GAREM2: variants seen among roughly 807,000 people sequenced by gnomAD.
GAREM2 encodes the protein GRB2-associated and regulator of MAPK protein 2.
In GAREM2, 30 loss-of-function variants were observed where a neutral mutation model predicts 55.6. That is an observed-to-expected ratio of 0.54 (90% CI 0.40 to 0.73). The LOEUF (loss-of-function observed/expected upper bound fraction) is 0.73. GAREM2 is among the 30% of genes least tolerant of loss of function. The pLI is 0.00. For missense variants in GAREM2, 1,075 were observed against 1,257.7 expected, an observed-to-expected ratio of 0.85 and a Z score of 2.20; for synonymous variants, 550 against 569.1, an observed-to-expected ratio of 0.97 and a Z score of 0.48.
intron 4 of GAREM2, 77 bp downstream of exon 4, chr2:26,185,353 A>G: frequency 1.4e-6 from 2 of 1,405,436 alleles, no homozygotes; most frequent in Non-Finnish European, 1.8e-6. Context: ...CCGGCCCCGG[A>G]GTATGTGGCA....
chr2:26,173,662 C>T (rs1202225066), intron 1 of GAREM2, among the ~76,000 whole-genome samples: 1 of 151,996 alleles, frequency 6.6e-6, no homozygotes, highest in Non-Finnish European at 1.5e-5. Flanking sequence ...CCTGGGCCCC[C>T]CGCCCCGGCC....
At chr2:26,176,525 G>T in intron 2 of GAREM2, 41 bp downstream of exon 2, 1 of 1,464,368 alleles carries the variant, frequency 6.8e-7, no homozygotes. Context: ...CCTGTAGGGG[G>T]GTGTAGGCAG....
the GAREM2 span, among the ~76,000 whole-genome samples, chr2:26,203,507 T>A: frequency 6.6e-6 from 1 of 152,146 alleles, no homozygotes; most frequent in African/African-American, 2.4e-5. Context: ...ATGGAGATAG[T>A]CTGTAAAGCC....
chr2:26,198,369 G>GTT, the GAREM2 span, among the ~76,000 whole-genome samples: 2,233 of 146,896 alleles, frequency 0.015, 44 homozygotes, highest in African/African-American at 0.049. Context: ...ACTTATTCAT[G>GTT]TTTTTTTTTT....
At position 26,188,001 on chromosome 2, in the gene GAREM2, C is replaced by G; in HGVS notation, c.2369C>G (p.Thr790Arg). 1 of 1,476,952 alleles carries G rather than the reference C, an allele frequency of 6.8e-7. No individual in the cohort carries two copies. The highest frequency in any genetic ancestry group is 9.0e-7 in the Non-Finnish European group (1 of 1,107,606). The allele number at this position is 1,476,952 out of a possible 1,614,324, so 91.5% of individuals were successfully genotyped here. The change falls in exon 6 of 6, where the codon ACA becomes AGA. Residue 790 changes from threonine to arginine, a missense_variant. This residue lies in a region of GAREM2 where 142 missense variants were observed against 172.3 expected (regional missense o/e 0.82). Transcript: ENST00000401533. ...GPPASPRDGA[T>R]GFGVRDASSW... ...CCTGCCAGTCCCCGGGATGGAGCCA[C>G]AGGCTTTGGAGTCCGAGATGCCTCC...
chr2:26,173,174 G>A lies in GAREM2; in HGVS notation c.-47G>A. On this transcript the variant is annotated 5_prime_UTR_variant, in exon 1 of 6. Coordinates refer to ENST00000401533, the MANE Select transcript of GAREM2 (RefSeq NM_001168241.2). ...GGGCGCGAGAGCCTGGGCCGCGCGG[G>A]ACTGACCGTCGGGGCCCCGGGACGG... is the stretch of plus-strand genomic sequence containing the variant. 6.6e-6 allele frequency: 5 copies of A among 760,822 alleles called. No individual in the cohort carries two copies. Among genetic ancestry groups the A allele is most frequent in the Non-Finnish European group, 5.2e-6 (3 of 574,686 alleles). The allele number at this position is 760,822 out of a possible 1,614,324, so 47.1% of individuals were successfully genotyped here.
chr2:26,181,178 G>A, intron 2 of GAREM2: 1 of 969,376 alleles, frequency 1.0e-6, no homozygotes, highest in Non-Finnish European at 1.2e-6. Flanking sequence ...GTCTCATGTT[G>A]TACAGAATAA....
chr2:26,197,925 C>T, the GAREM2 span: 19 of 706,020 alleles, frequency 2.7e-5, no homozygotes, highest in Non-Finnish European at 5.0e-5. Context: ...CAGACATTGA[C>T]GGATCACCTA....
chr2:26,178,500 G>GA (rs1408278000), intron 2 of GAREM2, among the ~76,000 whole-genome samples: 1 of 152,038 alleles, frequency 6.6e-6, no homozygotes, highest in Non-Finnish European at 1.5e-5. Flanking sequence ...AGGTGGGGGG[G>GA]ATCCCTTTAG....
At chr2:26,191,540 G>T (rs1458271689), downstream of GAREM2, 1 of 1,614,156 alleles carries the variant, frequency 6.2e-7, no homozygotes, top group East Asian at 2.2e-5. Flanking sequence ...CCCTCTGCAG[G>T]TGTGGCCAAG....
intron 2 of GAREM2, among the ~76,000 whole-genome samples, chr2:26,178,040 TC>T (rs1389979037): frequency 6.6e-6 from 1 of 152,188 alleles, no homozygotes; most frequent in Non-Finnish European, 1.5e-5. Context: ...GCCCTGGGTC[TC>T]CCTGAGCCAG....
In GAREM2 at chr2:26,188,299, G is replaced by A. The variant is rs1301350365; in HGVS notation, c.*42G>A. The A allele has an allele frequency of 7.1e-7, 1 of 1,410,628 alleles. No individual in the cohort carries two copies. The allele number at this position is 1,410,628 out of a possible 1,614,324, so 87.4% of individuals were successfully genotyped here. ...TGCACAGCTGGAATGCTGGTATGGG[G>A]GCCCCAGGTACAGCACTCCGGAGGA... On this transcript the variant is annotated 3_prime_UTR_variant, in exon 6 of 6. Transcript: ENST00000401533.
chr2:26,202,459 G>A, the GAREM2 span, among the ~76,000 whole-genome samples: 1 of 152,160 alleles, frequency 6.6e-6, no homozygotes, highest in East Asian at 1.9e-4. Context: ...AGGTCTTAAG[G>A]GCTGGGCATG....
chr2:26,194,979 T>C, the GAREM2 span: 1 of 962,632 alleles, frequency 1.0e-6, no homozygotes, highest in Non-Finnish European at 1.7e-6. Context: ...CAGGGGAAAA[T>C]CATATCAAAG....
At chr2:26,194,645 AG>A (rs1558315187), downstream of GAREM2, 1 of 1,600,516 alleles carries the variant, frequency 6.2e-7, no homozygotes, top group Non-Finnish European at 8.6e-7. Context: ...CATCCTGCCA[AG>A]GAAGAGAACA....
At chr2:26,181,956 G>A in intron 2 of GAREM2, 1 of 977,732 alleles carries the variant, frequency 1.0e-6, no homozygotes, top group Non-Finnish European at 1.2e-6. Context: ...TCCAGCCTGG[G>A]CGACAGCAAG....
chr2:26,173,364 TC>T, intron 1 of GAREM2, 32 bp downstream of exon 1: 1 of 1,238,058 alleles, frequency 8.1e-7, no homozygotes, highest in Non-Finnish European at 1.1e-6. Flanking sequence ...GGGACCGGGG[TC>T]CGCGGGGAAA....
chr2:26,204,292 G>T, the GAREM2 span: 2 of 1,020,106 alleles, frequency 2.0e-6, no homozygotes, highest in South Asian at 2.5e-5. Flanking sequence ...ACCAACTAAT[G>T]CAGGCACAAC....
chr2:26,178,808 G>A (rs974996536), intron 2 of GAREM2, among the ~76,000 whole-genome samples: 1 of 148,376 alleles, frequency 6.7e-6, no homozygotes, highest in Non-Finnish European at 1.5e-5. Flanking sequence ...GGTCTTGGAG[G>A]GGTGGTGGTC....
Sources: gnomAD v4.1 joint callset for allele counts (sites outside exome capture counted in the v4.1 genomes callset) on GRCh38, gnomAD v4.1.1 for gene constraint, gnomAD v4.1.1 regional missense constraint, MANE v1.5 for transcripts, NCBI Gene and HGNC (gene_info 2026-07-23, HGNC 2026-07-21) for gene names.